INTS6: variants seen among roughly 807,000 people sequenced by gnomAD.
INTS6 encodes DEAD box protein.
In INTS6, 16 loss-of-function variants were observed where a neutral mutation model predicts 104.9. The ratio of observed to expected loss-of-function variants is 0.15; its 90% CI spans 0.10 to 0.23. INTS6 has a LOEUF of 0.23. Ranked by LOEUF, INTS6 falls within the 10% of genes least tolerant of loss-of-function variation. The pLI is 1.00. For missense variants in INTS6, 584 were observed against 1,062.8 expected (o/e 0.55, Z 6.26); for synonymous variants, 324 against 358.7 (o/e 0.90, Z 1.09).
intron 2 of INTS6, 46 bp from the exon 3 acceptor site, chr13:51,451,220 A>G: frequency 2.1e-6 from 3 of 1,462,790 alleles, no homozygotes; most frequent in Non-Finnish European, 2.7e-6. Flanking sequence ...TTTTAAAGCC[A>G]TGTACACAGA....
At chr13:51,404,666 T>C (rs1956525302) in intron 4 of INTS6, among the ~76,000 whole-genome samples, 1 of 152,224 alleles carries the variant, frequency 6.6e-6, no homozygotes. Flanking sequence ...TATTCATTCT[T>C]GCCTTATTAA....
chr13:51,390,828 ACGTGCCTGGCACTGTTC>A (rs1213358424), intron 5 of INTS6, among the ~76,000 whole-genome samples: 17 of 152,224 alleles, frequency 1.1e-4, no homozygotes, highest in Middle Eastern at 3.4e-3. Context: ...CTGAGTATCT[ACGTGCCTGGCACTGTTC>A]CAATCATTTT....
chr13:51,403,762 T>C (rs1956495414), intron 4 of INTS6, among the ~76,000 whole-genome samples: 1 of 151,982 alleles, frequency 6.6e-6, no homozygotes, highest in South Asian at 2.1e-4. Flanking sequence ...TCCCACGAGT[T>C]TGGAAAAGGG....
In INTS6 at chr13:51,441,269, CATA is replaced by C. The variant is rs1284325597; in HGVS notation, c.339+9753_339+9755del. The C allele has an allele frequency of 5.9e-5, 9 of 152,172 alleles. No homozygotes were observed. In the East Asian group the frequency reaches 1.7e-3, roughly 29 times the overall value. 9.4% of individuals were successfully genotyped at this position (152,172 alleles called of 1,614,324 possible). On this transcript the variant is annotated intron_variant, in intron 3 of 17. Coordinates refer to ENST00000311234, the MANE Select transcript of INTS6 (RefSeq NM_012141.3). ...AAGATTAAAAAAACCTCTAGTACCC[CATA>C]ATTTCAATTTTTAAAATTCAAATAA...
chr13:51,393,817 G>A (rs1017897157), intron 5 of INTS6, among the ~76,000 whole-genome samples: 1 of 152,100 alleles, frequency 6.6e-6, no homozygotes, highest in Non-Finnish European at 1.5e-5. Context: ...ATGTCTCATG[G>A]TTCTTTTCAG....
chr13:51,340,990 T>TG, the INTS6 span: 1 of 1,380,234 alleles, frequency 7.2e-7, no homozygotes, highest in Admixed American at 1.8e-5. Context: ...AAAACAGAGC[T>TG]GGGGGTCCCA....
intron 4 of INTS6, among the ~76,000 whole-genome samples, chr13:51,404,541 T>C (rs1956521771): frequency 1.3e-5 from 2 of 152,058 alleles, no homozygotes; most frequent in African/African-American, 4.8e-5. Context: ...AAAACACATA[T>C]TCCATAAGCT....
chr13:51,443,961 GATTTGTT>G (rs1952845568), intron 3 of INTS6: 1 of 152,090 alleles, frequency 6.6e-6, no homozygotes, highest in African/African-American at 2.4e-5. Context: ...TCAAATATTA[GATTTGTT>G]CCTGATCTTT....
chr13:51,445,558 T>C (rs1044037192), intron 3 of INTS6: 2 of 152,210 alleles, frequency 1.3e-5, no homozygotes, highest in African/African-American at 4.8e-5. Flanking sequence ...AACAATTCTA[T>C]ATTAAAGGTA....
intron 15 of INTS6, among the ~76,000 whole-genome samples, chr13:51,373,202 G>GT (rs201482941): frequency 0.015 from 2,096 of 139,068 alleles, 36 homozygotes; most frequent in African/African-American, 0.045. Context: ...TTGGTGTTTG[G>GT]TTTTTTTTTT....
Position 51,361,747 on chromosome 13 carries a change from C to T in INTS6, c.*4005G>A, listed in dbSNP as rs1955581342. The T allele has an allele frequency of 7.1e-7, 1 of 1,405,294 alleles. No individual in the cohort carries two copies. Among genetic ancestry groups the T allele is most frequent in the Non-Finnish European group, 9.7e-7 (1 of 1,034,042 alleles). The allele number at this position is 1,405,294 out of a possible 1,614,324, so 87.1% of individuals were successfully genotyped here. A position where few individuals can be genotyped will look rare whatever the true frequency, so the allele number is the denominator to read the frequency against. On this transcript the variant is annotated 3_prime_UTR_variant, in exon 18 of 18. Coordinates refer to ENST00000311234, the MANE Select transcript of INTS6 (RefSeq NM_012141.3). Reference sequence around the variant, plus strand: ...CTTAAAAAATTAACTTACTTCATAACCAATAGTTATTTTCTTAAAAATGCA... The same window carrying T: ...CTTAAAAAATTAACTTACTTCATAATCAATAGTTATTTTCTTAAAAATGCA...
chr13:51,416,113 A>G (rs1206836069), intron 4 of INTS6, among the ~76,000 whole-genome samples: 1 of 152,230 alleles, frequency 6.6e-6, no homozygotes, highest in African/African-American at 2.4e-5. Context: ...CAAAGGTAGA[A>G]TCAAAAGTCA....
downstream of INTS6, among the ~76,000 whole-genome samples, chr13:51,350,283 T>C (rs574303249): frequency 1.3e-5 from 2 of 152,130 alleles, no homozygotes; most frequent in South Asian, 4.1e-4. Context: ...TATTTATAAA[T>C]AAATAAAAAA....
chr13:51,370,716 A>G (rs1955786139), intron 15 of INTS6, among the ~76,000 whole-genome samples: 1 of 152,120 alleles, frequency 6.6e-6, no homozygotes, highest in Non-Finnish European at 1.5e-5. Context: ...TGCAAAAAGT[A>G]TACAGTTTAT....
chr13:51,367,583 G>T (rs564213276), intron 17 of INTS6, among the ~76,000 whole-genome samples: 117 of 152,198 alleles, frequency 7.7e-4, no homozygotes, highest in African/African-American at 2.4e-3. Flanking sequence ...CCAGTAATTT[G>T]TAGGGAGAAA....
chr13:51,359,639 G>C (rs1271829739), downstream of INTS6, among the ~76,000 whole-genome samples: 1 of 152,072 alleles, frequency 6.6e-6, no homozygotes, highest in African/African-American at 2.4e-5. Flanking sequence ...CACATTTACT[G>C]TATTTTAGCT....
chr13:51,411,841 C>T (rs1956693399), intron 4 of INTS6, among the ~76,000 whole-genome samples: 1 of 152,172 alleles, frequency 6.6e-6, no homozygotes. Flanking sequence ...AGAAATAAAA[C>T]ATAGGTCTAC....
chr13:51,355,232 A>C (rs979814080), intron 3 of INTS6: 13 of 515,044 alleles, frequency 2.5e-5, no homozygotes, highest in African/African-American at 5.3e-5. Context: ...TTTCAGAGTC[A>C]ACATTATGTA....
At chr13:51,386,760 T>C (rs1224315456) in intron 7 of INTS6, among the ~76,000 whole-genome samples, 1 of 151,748 alleles carries the variant, frequency 6.6e-6, no homozygotes, top group Non-Finnish European at 1.5e-5. Flanking sequence ...CTCAGATACT[T>C]AGAAAAAAAA....
Sources: gnomAD v4.1 joint callset for allele counts (sites outside exome capture counted in the v4.1 genomes callset) on GRCh38, gnomAD v4.1.1 for gene constraint, MANE v1.5 for transcripts, NCBI Gene and HGNC (gene_info 2026-07-23, HGNC 2026-07-21) for gene names.